Variants in MIB1 observed in about 807,000 individuals in gnomAD.
The protein encoded by MIB1 is E3 ubiquitin-protein ligase MIB1.
A neutral mutation model predicts 124.5 loss-of-function variants in MIB1; 278 were observed. That is an observed-to-expected ratio of 2.23 (90% CI 2.02 to 2.47). MIB1 has a LOEUF of 2.47. MIB1 is among the 30% of genes most tolerant of loss of function. The pLI, the probability that MIB1 is intolerant of heterozygous loss-of-function variation, is 0.00. For missense variants in MIB1, 957 were observed against 1,254.4 expected (o/e 0.76, Z 3.58); for synonymous variants, 446 against 429.4 (o/e 1.04, Z -0.48).
In MIB1 at chr18:21,839,693, G is replaced by A. The variant is rs58109630; in HGVS notation, c.1962+1196G>A. Among the ~76,000 whole-genome samples, 27 of 152,116 alleles carry A rather than the reference G, an allele frequency of 1.8e-4. No individual in the cohort carries two copies. The East Asian group carries it at 4.4e-3, about 25-fold the overall frequency. ...TTTATTTATTTTTTCTGTAAGACAAGGTCTCACTATGTTGCCGAAGCTGGT... is the reference window on the plus strand; with the variant it reads ...TTTATTTATTTTTTCTGTAAGACAAAGTCTCACTATGTTGCCGAAGCTGGT... On this transcript the variant is annotated intron_variant, in intron 13 of 20. Transcript: ENST00000261537.
At chr18:21,841,586 G>A (rs180938446) in intron 13 of MIB1, among the ~76,000 whole-genome samples, 18 of 151,942 alleles carry the variant, frequency 1.2e-4, no homozygotes, top group South Asian at 1.0e-3. Flanking sequence ...GTATTGGTTA[G>A]GATGTGGAAC....
chr18:21,717,828 A>C (rs182949743), intron 1 of MIB1, among the ~76,000 whole-genome samples: 132 of 152,342 alleles, frequency 8.7e-4, no homozygotes, highest in Non-Finnish European at 1.5e-3. Flanking sequence ...ACTATGGAAA[A>C]CAGTGTGGAG....
At chr18:21,731,023 TC>T (rs531898176) in intron 1 of MIB1, among the ~76,000 whole-genome samples, 103 of 152,296 alleles carry the variant, frequency 6.8e-4, no homozygotes, top group African/African-American at 2.4e-3. Flanking sequence ...TACTTTCACC[TC>T]CTGAGTGAAT....
rs2042340948 is a variant in MIB1, at chr18:21,869,371, T to G, written c.*4705T>G. The G allele has an allele frequency of 6.6e-6, 1 of 152,448 alleles. No homozygotes were observed. Among genetic ancestry groups the G allele is most frequent in the African/African-American group, 2.4e-5 (1 of 41,432 alleles). 9.4% of individuals were successfully genotyped at this position (152,448 alleles called of 1,614,324 possible). On this transcript the variant is annotated 3_prime_UTR_variant, in exon 21 of 21. Coordinates refer to ENST00000261537, the MANE Select transcript of MIB1 (RefSeq NM_020774.4). The stretch of plus-strand genomic sequence containing the variant: ...GTTCTGACTCAGGGCTTTTTAACAG[T>G]TCAAGCAATTGTCAGTTATATTTTG...
intron 1 of MIB1, among the ~76,000 whole-genome samples, chr18:21,705,510 G>A (rs148095990): frequency 1.3e-5 from 2 of 151,776 alleles, no homozygotes; most frequent in Non-Finnish European, 2.9e-5. Context: ...CTTATTTATG[G>A]CAATATGATA....
intron 14 of MIB1, among the ~76,000 whole-genome samples, chr18:21,843,527 A>G (rs953138067): frequency 3.3e-5 from 5 of 152,222 alleles, no homozygotes; most frequent in African/African-American, 7.2e-5. Flanking sequence ...TAAGTAATCT[A>G]TTGAAATATG....
intron 3 of MIB1, among the ~76,000 whole-genome samples, chr18:21,771,564 CA>C (rs2041224227): frequency 6.6e-6 from 1 of 152,048 alleles, no homozygotes; most frequent in Non-Finnish European, 1.5e-5. Flanking sequence ...AATCATAAAG[CA>C]AATTAAGGTA....
At chr18:21,770,112 G>A (rs2146412929) in intron 3 of MIB1, among the ~76,000 whole-genome samples, 1 of 152,320 alleles carries the variant, frequency 6.6e-6, no homozygotes, top group African/African-American at 2.4e-5. Context: ...GCTGAGGCAG[G>A]AGAATCACTT....
intron 6 of MIB1, among the ~76,000 whole-genome samples, chr18:21,784,190 A>G (rs550490149): frequency 3.4e-4 from 52 of 151,864 alleles, no homozygotes; most frequent in African/African-American, 1.2e-3. Context: ...CTGGGACTAC[A>G]GGCGCGTGCC....
At chr18:21,723,749 C>T (rs868223305) in intron 1 of MIB1, among the ~76,000 whole-genome samples, 8 of 152,084 alleles carry the variant, frequency 5.3e-5, no homozygotes, top group African/African-American at 1.4e-4. Context: ...CCCCTGACTT[C>T]GTGATCCACC....
chr18:21,802,498 C>T lies in MIB1; in HGVS notation c.1372-1409C>T, dbSNP rs891672890. Among the ~76,000 whole-genome samples the T allele has an allele frequency of 3.3e-5, 5 of 151,802 alleles. No homozygotes were observed. In the South Asian group the frequency reaches 8.3e-4, roughly 25 times the overall value. ...AAATTTCAAGCTTTTCTTGGTTGCT[C>T]TTTTCACATTCCTTTTGATAGTATC... On this transcript the variant is annotated intron_variant, in intron 9 of 20. Transcript: ENST00000261537.
intron 12 of MIB1, chr18:21,827,768 A>G (rs2041939359): frequency 6.6e-6 from 1 of 152,054 alleles, no homozygotes; most frequent in Admixed American, 6.6e-5. Context: ...CTCATTCTTT[A>G]TAATCTGATA....
At chr18:21,840,983 A>T (rs1260017868) in intron 13 of MIB1, among the ~76,000 whole-genome samples, 1 of 152,196 alleles carries the variant, frequency 6.6e-6, no homozygotes, top group Non-Finnish European at 1.5e-5. Context: ...TGCTCATCAA[A>T]AGATACCATT....
intron 1 of MIB1, among the ~76,000 whole-genome samples, chr18:21,749,032 G>A (rs939160614): frequency 2.6e-5 from 4 of 152,126 alleles, no homozygotes; most frequent in African/African-American, 9.6e-5. Flanking sequence ...ATGAGCCACT[G>A]AGCCCTGCTT....
At chr18:21,751,988 G>A (rs2040980124) in intron 1 of MIB1, among the ~76,000 whole-genome samples, 1 of 152,192 alleles carries the variant, frequency 6.6e-6, no homozygotes. Context: ...TTGTGTGTGT[G>A]TGTACACAAT....
intron 18 of MIB1, among the ~76,000 whole-genome samples, chr18:21,855,680 A>G (rs1462886765): frequency 6.6e-6 from 1 of 152,134 alleles, no homozygotes; most frequent in Non-Finnish European, 1.5e-5. Flanking sequence ...GTGCATGGCA[A>G]ACTATTAGGA....
rs2146454464 is a variant in MIB1, at chr18:21,799,845, ACT to A, written c.1246_1247del (p.Ser416ThrfsTer8). 1.2e-6 allele frequency: 2 copies of A among 1,609,178 alleles called. No homozygotes were observed. The highest frequency in any genetic ancestry group is 1.7e-6 in the Non-Finnish European group (2 of 1,176,872). ...GCTTTATTTGATGCTTTACAGAAAG[ACT>A]CTCACAACTCCTGAAGAAATTATTT... is the stretch of plus-strand genomic sequence containing the variant. ...SAISNASGER[L>X]SQLLKKLFET... On this transcript the variant is annotated frameshift_variant, in exon 9 of 21. Coordinates refer to ENST00000261537, the MANE Select transcript of MIB1 (RefSeq NM_020774.4). LOFTEE classifies it high-confidence loss of function.
chr18:21,843,262 A>G (rs939015760), intron 14 of MIB1, 45 bp downstream of exon 14: 4 of 1,380,700 alleles, frequency 2.9e-6, no homozygotes, highest in Non-Finnish European at 3.9e-6. Context: ...CATTTTAACC[A>G]TACAGATTTT....
chr18:21,723,452 G>A (rs2040723736), intron 1 of MIB1, among the ~76,000 whole-genome samples: 1 of 152,000 alleles, frequency 6.6e-6, no homozygotes, highest in Non-Finnish European at 1.5e-5. Context: ...TGCTTTTAGG[G>A]CCTCTCAGTC....
Sources: allele counts gnomAD v4.1 joint callset (sites outside exome capture counted in the v4.1 genomes callset), GRCh38; gene constraint gnomAD v4.1.1; transcripts MANE v1.5; gene names NCBI Gene and HGNC (gene_info 2026-07-23, HGNC 2026-07-21).